Variants in ATP13A5 observed in about 807,000 individuals in gnomAD.
The protein encoded by ATP13A5 is probable cation-transporting ATPase 13A5.
A neutral mutation model predicts 150.2 loss-of-function variants in ATP13A5; 149 were observed. The ratio of observed to expected loss-of-function variants is 0.99; its 90% confidence interval spans 0.87 to 1.14. The LOEUF (loss-of-function observed/expected upper bound fraction) is 1.14, where lower values mean the gene tolerates loss of function less well. Ranked by LOEUF, ATP13A5 falls within the 50% of genes most tolerant of loss-of-function variation. ATP13A5 has a pLI of 0.00. For missense variants in ATP13A5, 1,383 were observed against 1,449.3 expected, an observed-to-expected ratio of 0.95 and a Z score of 0.74; for synonymous variants, 497 against 522.2, an observed-to-expected ratio of 0.95 and a Z score of 0.66.
At chr3:193,372,487 AAT>A (rs1713482850) in intron 1 of ATP13A5, among the ~76,000 whole-genome samples, 1 of 152,118 alleles carries the variant, frequency 6.6e-6, no homozygotes, top group Non-Finnish European at 1.5e-5. Context: ...TATTCCTCCA[AAT>A]ACACTATACT....
At chr3:193,366,248 A>C (rs1233048414) in intron 1 of ATP13A5, among the ~76,000 whole-genome samples, 1 of 152,050 alleles carries the variant, frequency 6.6e-6, no homozygotes, top group African/African-American at 2.4e-5. Context: ...ATTTAACCCA[A>C]CTATATTAGT....
chr3:193,357,163 C>T (rs188906217), intron 5 of ATP13A5, among the ~76,000 whole-genome samples: 2 of 152,282 alleles, frequency 1.3e-5, no homozygotes, highest in Non-Finnish European at 1.5e-5. Flanking sequence ...ACTAGGGGCG[C>T]AGTGTCTGAC....
chr3:193,333,869 G>C lies in ATP13A5; in HGVS notation c.1153C>G (p.Leu385Val), dbSNP rs764965409. The part of the protein sequence containing the change: ...TAKGDLVRSI[L>V]YPRPLNFKLY... ...TTGAAGTTCAGAGGCCGGGGGTACA[G>C]GATGGATCTCACTAAGTCCCCTTTG... The change falls in exon 11 of 30, where the codon CTG becomes GTG. Residue 385 changes from leucine (L) to valine (V), a missense_variant. Physicochemically the swap from Leu to Val is conservative, Grantham distance 32 (BLOSUM62 1). This residue lies in a region of ATP13A5 where 787 missense variants were observed against 771.9 expected (regional missense o/e 1.02). Coordinates refer to ENST00000342358, the MANE Select transcript of ATP13A5 (RefSeq NM_198505.4). The C allele has an allele frequency of 6.2e-7, 1 of 1,613,918 alleles. No individual in the cohort carries two copies.
At chr3:193,357,675 G>C (rs978732526) in intron 5 of ATP13A5, among the ~76,000 whole-genome samples, 1 of 152,172 alleles carries the variant, frequency 6.6e-6, no homozygotes, top group East Asian at 1.9e-4. Context: ...AACAACGTAG[G>C]CTAAATAAAA....
chr3:193,286,653 C>T lies in ATP13A5; in HGVS notation c.3024-1537G>A, dbSNP rs375807101. Among the ~76,000 whole-genome samples, 9 of 152,080 alleles carry T rather than the reference C, an allele frequency of 5.9e-5. No homozygotes were observed. In the South Asian group the frequency reaches 6.2e-4, roughly 10 times the overall value. ...GACTGCTTCACTGACTGGCTGTTTC[C>T]GCATCTCTCTTCCTCTCCTGGGGCC... On this transcript the variant is annotated intron_variant, in intron 26 of 29. Coordinates refer to ENST00000342358, the MANE Select transcript of ATP13A5 (RefSeq NM_198505.4).
At position 193,371,962 on chromosome 3, in the gene ATP13A5, C is replaced by T. The variant is rs773894748; in HGVS notation, c.63+6701G>A. Among the ~76,000 whole-genome samples the T allele has an allele frequency of 6.6e-5, 10 of 152,126 alleles. No individual in the cohort carries two copies. In the South Asian group the frequency reaches 1.2e-3, roughly 19 times the overall value. On this transcript the variant is annotated intron_variant, in intron 1 of 29. Coordinates refer to ENST00000342358, the MANE Select transcript of ATP13A5 (RefSeq NM_198505.4). ...GCTAGAGGGGATTATACAACAGGAA[C>T]GGTGATCACAGGGGTGTCATGTTAA... is the stretch of plus-strand genomic sequence containing the variant.
rs750784892 is a variant in ATP13A5, at chr3:193,311,895, C to T, written c.2366G>A (p.Gly789Glu). 4 of 1,613,842 alleles carry T rather than the reference C, an allele frequency of 2.5e-6. No homozygotes were observed. Among genetic ancestry groups the T allele is most frequent in the Non-Finnish European group, 3.4e-6 (4 of 1,179,888 alleles). Residue 789 changes from glycine to glutamate, a missense_variant, in exon 20 of 30, where the codon GGA (glycine) becomes GAA (glutamate). Physicochemically the swap from Gly to Glu is moderately conservative, Grantham distance 98. This residue lies in a region of ATP13A5 where 568 missense variants were observed against 621.5 expected (regional missense o/e 0.91). Transcript: ENST00000342358. Reference protein sequence around the residue: ...TGNSSTPRGEGGSCYHFAMSG... With the variant: ...TGNSSTPRGEEGSCYHFAMSG... ...CATTGCAAAATGGTAACAGCTTCCT[C>T]CTTCCCCACGAGGGGTTGAACTGTT...
intron 18 of ATP13A5, 84 bp downstream of exon 18, chr3:193,314,888 T>C (rs2108855394): frequency 2.6e-6 from 4 of 1,531,114 alleles, no homozygotes; most frequent in East Asian, 2.3e-5. Flanking sequence ...CTGTCTCTGA[T>C]ACATGAACTC....
At chr3:193,291,294 G>A (rs969937270) in intron 25 of ATP13A5, among the ~76,000 whole-genome samples, 1 of 151,986 alleles carries the variant, frequency 6.6e-6, no homozygotes, top group Non-Finnish European at 1.5e-5. Flanking sequence ...GAGTCTGTGG[G>A]GTATGCAGAG....
At chr3:193,275,878 T>A (rs778569083) in intron 29 of ATP13A5, among the ~76,000 whole-genome samples, 2 of 152,176 alleles carry the variant, frequency 1.3e-5, no homozygotes, top group African/African-American at 4.8e-5. Flanking sequence ...CCTTTAAAAA[T>A]TTTTATTTTA....
At chr3:193,357,400 T>C (rs1336381279) in intron 5 of ATP13A5, among the ~76,000 whole-genome samples, 2 of 152,162 alleles carry the variant, frequency 1.3e-5, no homozygotes, top group African/African-American at 4.8e-5. Context: ...TGTATTGAAA[T>C]CACAGCCTGG....
rs77785955 is a variant in ATP13A5, at chr3:193,300,629, T to C, written c.2775+582A>G. Among the ~76,000 whole-genome samples, 1,278 of 152,300 alleles carry C rather than the reference T, an allele frequency of 8.4e-3. 39 individuals carry two copies. Among genetic ancestry groups the C allele is most frequent in the Admixed American group, 0.049 (747 of 15,288 alleles). Reference sequence around the variant, plus strand: ...TGGACTAATGAAGATTATTTTTAGCTTATACATAGTTCTTCTGTACAGCTA... The same window carrying C: ...TGGACTAATGAAGATTATTTTTAGCCTATACATAGTTCTTCTGTACAGCTA... On this transcript the variant is annotated intron_variant, in intron 24 of 29. Transcript: ENST00000342358.
At chr3:193,317,390 T>G (rs1339653092) in intron 17 of ATP13A5, among the ~76,000 whole-genome samples, 1 of 152,206 alleles carries the variant, frequency 6.6e-6, no homozygotes, top group African/African-American at 2.4e-5. Context: ...CTAGGATATA[T>G]TCATGAGGAC....
chr3:193,340,158 T>G (rs1170665824), intron 9 of ATP13A5, among the ~76,000 whole-genome samples: 1 of 152,204 alleles, frequency 6.6e-6, no homozygotes, highest in Non-Finnish European at 1.5e-5. Flanking sequence ...TGGCTCCCTG[T>G]GCTGTCACGT....
chr3:193,334,143 T>A (rs1480981795), intron 10 of ATP13A5, among the ~76,000 whole-genome samples: 1 of 152,180 alleles, frequency 6.6e-6, no homozygotes, highest in Non-Finnish European at 1.5e-5. Flanking sequence ...TTTAAAAAAA[T>A]TAGATATTTT....
In ATP13A5 at chr3:193,283,031, T is replaced by C. The variant is rs74287981; in HGVS notation, c.3226+1883A>G. ...GTATAGTGGTAAATCAAGAATAGAC[T>C]GATATTTAAAAACAAAAAAGATAGT... is the stretch of plus-strand genomic sequence containing the variant. On this transcript the variant is annotated intron_variant, in intron 27 of 29. Coordinates refer to ENST00000342358, the MANE Select transcript of ATP13A5 (RefSeq NM_198505.4). 1.5e-4 allele frequency among the ~76,000 whole-genome samples: 23 copies of C among 152,236 alleles called. No individual in the cohort carries two copies. In the East Asian group the frequency reaches 3.9e-3, roughly 26 times the overall value.
intron 13 of ATP13A5, among the ~76,000 whole-genome samples, chr3:193,326,035 C>T (rs73888255): frequency 0.11 from 16,977 of 152,116 alleles, 1,515 homozygotes; most frequent in African/African-American, 0.25. Context: ...TCCTTGTCAC[C>T]CAGTCCAGGG....
chr3:193,285,133 A>G lies in ATP13A5; in HGVS notation c.3024-17T>C. 3 of 1,600,650 alleles carry G rather than the reference A, an allele frequency of 1.9e-6. No individual in the cohort carries two copies. The South Asian group carries it at 3.4e-5, about 18-fold the overall frequency. On this transcript the variant is annotated splice_polypyrimidine_tract_variant and intron_variant, in intron 26 of 29. Coordinates refer to ENST00000342358, the MANE Select transcript of ATP13A5 (RefSeq NM_198505.4). ...AAACACTCACTACAAAAGAATCACC[A>G]GTGTTTATGAAACATTTGATTCCAT...
intron 5 of ATP13A5, among the ~76,000 whole-genome samples, chr3:193,359,166 G>C (rs1268756141): frequency 6.6e-6 from 1 of 152,064 alleles, no homozygotes; most frequent in Non-Finnish European, 1.5e-5. Context: ...TTGGCTTCCA[G>C]AAGAATGAGC....
Sources: gnomAD v4.1 joint callset for allele counts (sites outside exome capture counted in the v4.1 genomes callset) on GRCh38, gnomAD v4.1.1 for gene constraint, gnomAD v4.1.1 regional missense constraint, MANE v1.5 for transcripts, NCBI Gene and HGNC (gene_info 2026-07-23, HGNC 2026-07-21) for gene names.